Variants in STRN3 observed in about 807,000 individuals in gnomAD.
The protein encoded by STRN3 is striatin-3.
Under a neutral mutation model 95.6 loss-of-function variants are expected in STRN3, and 29 were observed. The observed-to-expected ratio is 0.30, with a 90% CI of 0.23 to 0.41. STRN3 has a LOEUF of 0.41. Ranked by LOEUF, STRN3 falls within the 10% of genes least tolerant of loss-of-function variation. The pLI is 1.00. For synonymous variants in STRN3, 331 were observed against 357.6 expected (o/e 0.93, Z 0.84); for missense variants, 890 against 972.1 (o/e 0.92, Z 1.12).
At chr14:30,990,332 ATT>A (rs1025046367) in intron 1 of STRN3, among the ~76,000 whole-genome samples, 1 of 149,702 alleles carries the variant, frequency 6.7e-6, no homozygotes, top group African/African-American at 2.5e-5. Flanking sequence ...CACCCGGCTA[ATT>A]TTTTTTTGCA....
At chr14:30,949,132 T>A (rs916956668) in intron 4 of STRN3, among the ~76,000 whole-genome samples, 3 of 152,240 alleles carry the variant, frequency 2.0e-5, no homozygotes, top group African/African-American at 7.2e-5. Context: ...GCCTCCAAGC[T>A]ATCCTAGCTC....
intron 7 of STRN3, among the ~76,000 whole-genome samples, chr14:30,929,996 G>T (rs11156647): frequency 2.2e-5 from 1 of 45,626 alleles, no homozygotes; most frequent in Non-Finnish European, 4.6e-5. Context: ...TTCCACTGAA[G>T]AATTTTTTTA....
Position 30,935,166 on chromosome 14 carries a change from A to G in STRN3, c.985T>C (p.Trp329Arg). 1 of 1,613,902 alleles carries G rather than the reference A, an allele frequency of 6.2e-7. No homozygotes were observed. Among genetic ancestry groups the G allele is most frequent in the Non-Finnish European group, 8.5e-7 (1 of 1,179,916 alleles). ...CGGTATTTCTTTATCACCTTACCCC[A>G]TTCTGTGCCATCCCCCGAACTCCGT... ...EARSSGDGTE[W>R]DKDDLSPTAE... Residue 329 changes from tryptophan (W) to arginine (R), a missense_variant, in exon 7 of 18, where the codon TGG (tryptophan) becomes CGG (arginine). By Grantham distance (101) the Trp-to-Arg change is moderately radical. This residue lies in a region of STRN3 where 526 missense variants were observed against 526.3 expected (regional missense o/e 1.00). Coordinates refer to ENST00000357479, the MANE Select transcript of STRN3 (RefSeq NM_001083893.2).
chr14:30,909,990 G>A lies in STRN3; in HGVS notation c.1720+1051C>T, dbSNP rs1040173140. Among the ~76,000 whole-genome samples the A allele has an allele frequency of 3.5e-4, 54 of 152,222 alleles. 1 individual carries two copies. Among genetic ancestry groups the A allele is most frequent in the African/African-American group, 9.9e-4 (41 of 41,538 alleles). On this transcript the variant is annotated intron_variant, in intron 13 of 17. Coordinates refer to ENST00000357479, the MANE Select transcript of STRN3 (RefSeq NM_001083893.2). ...CCACCACTCTAATCTTGGCAATGTCGTTTGTCACCTAGTTTACTGGACTAC... is the reference window on the plus strand; with the variant it reads ...CCACCACTCTAATCTTGGCAATGTCATTTGTCACCTAGTTTACTGGACTAC...
chr14:30,993,880 CTT>C (rs201135781), intron 1 of STRN3, among the ~76,000 whole-genome samples: 1 of 138,702 alleles, frequency 7.2e-6, no homozygotes. Context: ...GGGTTTCTTT[CTT>C]TTTTTTTTTT....
At chr14:30,960,591 TG>T (rs1374373905) in intron 1 of STRN3, among the ~76,000 whole-genome samples, 1 of 151,896 alleles carries the variant, frequency 6.6e-6, no homozygotes, top group Non-Finnish European at 1.5e-5. Flanking sequence ...AAAATGAGGC[TG>T]GGCGCGGTGG....
At chr14:30,979,274 G>C (rs2139220426) in intron 1 of STRN3, among the ~76,000 whole-genome samples, 1 of 152,042 alleles carries the variant, frequency 6.6e-6, no homozygotes, top group East Asian at 1.9e-4. Context: ...CTAAATAAAA[G>C]GAAACATTTA....
intron 16 of STRN3, 26 bp from the exon 17 acceptor site, chr14:30,895,774 A>G (rs753951568): frequency 3.0e-5 from 47 of 1,581,574 alleles, no homozygotes; most frequent in Non-Finnish European, 4.0e-5. Flanking sequence ...CAGAGAACTG[A>G]TTAAGTTTTC....
chr14:30,918,940 AT>A (rs1266659091), intron 9 of STRN3, 25 bp downstream of exon 9: 1 of 1,534,994 alleles, frequency 6.5e-7, no homozygotes, highest in Admixed American at 1.9e-5. Flanking sequence ...TGAAATGTAA[AT>A]AAACATGGTA....
intron 1 of STRN3, among the ~76,000 whole-genome samples, chr14:30,977,829 G>C (rs1378533895): frequency 6.9e-6 from 1 of 145,874 alleles, no homozygotes; most frequent in East Asian, 2.0e-4. Flanking sequence ...ATGAAAGAAG[G>C]GTCCTCATTA....
At chr14:30,922,139 TCAGTCTC>T (rs1896900465) in intron 8 of STRN3, among the ~76,000 whole-genome samples, 1 of 152,170 alleles carries the variant, frequency 6.6e-6, no homozygotes, top group Non-Finnish European at 1.5e-5. Flanking sequence ...TCCACCTACC[TCAGTCTC>T]CAGAGTAGCT....
At chr14:31,015,186 G>C (rs1269426387) in intron 1 of STRN3, among the ~76,000 whole-genome samples, 2 of 152,104 alleles carry the variant, frequency 1.3e-5, no homozygotes, top group Non-Finnish European at 2.9e-5. Context: ...GGTATTCTGT[G>C]TCCAGTAGCC....
intron 3 of STRN3, among the ~76,000 whole-genome samples, chr14:30,952,856 T>C (rs533178270): frequency 4.8e-4 from 73 of 152,172 alleles, no homozygotes; most frequent in African/African-American, 1.7e-3. Context: ...AGGAAAAAAA[T>C]ACTAAAAAAA....
Position 31,025,978 on chromosome 14 carries a change from G to T in STRN3, c.208C>A (p.His70Asn). The change falls in exon 1 of 18, where the codon CAC becomes AAC. Residue 70 changes from histidine (H) to asparagine (N), a missense_variant. Physicochemically the swap from His to Asn is moderately conservative, Grantham distance 68. This residue lies in a region of STRN3 where 526 missense variants were observed against 526.3 expected (regional missense o/e 1.00). Transcript: ENST00000357479. Reference sequence around the variant, plus strand: ...CGAGCCCACTCGTGCTGGATGTAGTGCAGTATCCCCGGGATAGTGTACTGC... The same window carrying T: ...CGAGCCCACTCGTGCTGGATGTAGTTCAGTATCCCCGGGATAGTGTACTGC... Reference protein sequence around the residue: ...PQQYTIPGILHYIQHEWARFE... With the variant: ...PQQYTIPGILNYIQHEWARFE... 1 of 1,578,710 alleles carries T rather than the reference G, an allele frequency of 6.3e-7. No individual in the cohort carries two copies. The highest frequency in any genetic ancestry group is 2.4e-5 in the East Asian group (1 of 42,202).
intron 1 of STRN3, among the ~76,000 whole-genome samples, chr14:30,984,866 T>C (rs941966478): frequency 3.9e-5 from 6 of 152,160 alleles, no homozygotes; most frequent in Non-Finnish European, 7.3e-5. Flanking sequence ...TCTAACAGCT[T>C]AATTTGTTAT....
intron 5 of STRN3, 109 bp from the exon 6 acceptor site, chr14:30,936,733 C>CT (rs1412961854): frequency 7.7e-7 from 1 of 1,306,540 alleles, no homozygotes; most frequent in Non-Finnish European, 1.0e-6. Context: ...ATTCGAATGA[C>CT]TACCTACTGT....
intron 9 of STRN3, among the ~76,000 whole-genome samples, chr14:30,917,158 C>T (rs1277818641): frequency 6.6e-6 from 1 of 152,182 alleles, no homozygotes; most frequent in African/African-American, 2.4e-5. Flanking sequence ...GTCAAACTCA[C>T]ACCTCTTTAA....
intron 13 of STRN3, among the ~76,000 whole-genome samples, chr14:30,907,807 T>C (rs764877950): frequency 6.6e-6 from 1 of 152,156 alleles, no homozygotes; most frequent in Non-Finnish European, 1.5e-5. Flanking sequence ...ATCTGTTCCT[T>C]AACTGACAGA....
chr14:30,915,160 A>T (rs17097512), intron 9 of STRN3, among the ~76,000 whole-genome samples: 21,751 of 152,146 alleles, frequency 0.14, 1,776 homozygotes, highest in South Asian at 0.33. Flanking sequence ...TATCAATTTT[A>T]AAAAAATTCC....
Sources: allele counts gnomAD v4.1 joint callset (sites outside exome capture counted in the v4.1 genomes callset), GRCh38; gene constraint gnomAD v4.1.1; regional missense constraint gnomAD v4.1.1; transcripts MANE v1.5; gene names NCBI Gene and HGNC (gene_info 2026-07-23, HGNC 2026-07-21).